The following ICA1 variants were observed in gnomAD, a reference collection of about 807,000 sequenced individuals.
ICA1 encodes the protein islet cell autoantigen 1, also known as 69 kDa islet cell autoantigen.
Under a neutral mutation model 71.0 loss-of-function variants are expected in ICA1, and 40 were observed. The observed-to-expected ratio is 0.56, with a 90% CI of 0.44 to 0.73. The LOEUF (loss-of-function observed/expected upper bound fraction) is 0.73, where lower values mean the gene tolerates loss of function less well. Among genes scored for constraint, ICA1 ranks in the 30% least tolerant of loss-of-function variants. ICA1 has a pLI of 0.00. For synonymous variants in ICA1, 207 were observed against 209.5 expected (o/e 0.99, Z 0.10); for missense variants, 578 against 576.5 (o/e 1.00, Z -0.03).
Position 8,226,455 on chromosome 7 carries a change from C to G in ICA1, c.256+2146G>C, listed in dbSNP as rs1053813117. Among the ~76,000 whole-genome samples, 3 of 152,152 alleles carry G rather than the reference C, an allele frequency of 2.0e-5. No homozygotes were observed. Among genetic ancestry groups the G allele is most frequent in the African/African-American group, 7.2e-5 (3 of 41,432 alleles). ...ATTTATATTTTATATCACCTTCTTGCTTGCATGAAGGATAGCATACTATAG... is the reference window on the plus strand; with the variant it reads ...ATTTATATTTTATATCACCTTCTTGGTTGCATGAAGGATAGCATACTATAG... On this transcript the variant is annotated intron_variant, in intron 4 of 13. Transcript: ENST00000402384. The surrounding 1 kb of genome is among the most constrained non-coding windows in gnomAD (Gnocchi z 4.4).
chr7:8,231,028 G>A (rs967160341), intron 3 of ICA1, among the ~76,000 whole-genome samples: 2 of 151,756 alleles, frequency 1.3e-5, no homozygotes, highest in Non-Finnish European at 2.9e-5. Flanking sequence ...AATGAGAGAT[G>A]AGTACTACGA....
intron 6 of ICA1, among the ~76,000 whole-genome samples, chr7:8,204,068 GA>G (rs373309086): frequency 0.013 from 1,886 of 148,442 alleles, 43 homozygotes; most frequent in African/African-American, 0.044. Context: ...TGGTGAGAAG[GA>G]AAAAAAAAAG....
rs755603457 is a variant in ICA1 at position 8,158,493 on chromosome 7, C to A, written c.705+34G>T. ...TGATGTTATTTAAACCTTGTGCCAT[C>A]CTTGGTTCATTGCAACAAACATTAT... On this transcript the variant is annotated intron_variant, in intron 7 of 13. Transcript: ENST00000402384. 90 of 1,612,138 alleles carry A rather than the reference C, an allele frequency of 5.6e-5. No homozygotes were observed. The Admixed American group carries it at 1.3e-3, about 23-fold the overall frequency.
rs192612423 is a variant in ICA1 at position 8,186,894 on chromosome 7, T to A, written c.580-28242A>T. On this transcript the variant is annotated intron_variant, in intron 6 of 13. Transcript: ENST00000402384. ...TTCTCAAAAGATAAGCTATTCAATA[T>A]CTCAGTATAGCACACAGGCTATTAT... Among the ~76,000 whole-genome samples the A allele has an allele frequency of 1.2e-3, 188 of 152,328 alleles. 1 individual carries two copies. Among genetic ancestry groups the A allele is most frequent in the African/African-American group, 4.3e-3 (179 of 41,578 alleles).
rs773792483 is a variant in ICA1, at chr7:8,128,058, G to A, written c.1145C>T (p.Ala382Val). ...DLLLLSEIFNASSLEEGEFSK... is the reference protein window; with the variant it reads ...DLLLLSEIFNVSSLEEGEFSK... ...GAACTCGCCCTCTTCCAAGGAGGAA[G>A]CATTGAAGATCTCACTCAACAGCAG... Residue 382 changes from alanine to valine, a missense_variant, in exon 13 of 14, where the codon GCT becomes GTT. Ala to Val is a moderately conservative substitution (Grantham distance 64). Coordinates refer to ENST00000402384, the MANE Select transcript of ICA1 (RefSeq NM_001136020.3). The A allele has an allele frequency of 2.0e-5, 33 of 1,614,216 alleles. 1 individual carries two copies. The South Asian group carries it at 3.6e-4, about 18-fold the overall frequency.
intron 6 of ICA1, among the ~76,000 whole-genome samples, chr7:8,209,801 G>A (rs1478995761): frequency 2.0e-5 from 3 of 152,148 alleles, no homozygotes; most frequent in East Asian, 1.9e-4. Context: ...CACAAAAGAG[G>A]GAGAAGGGAA....
chr7:8,225,333 G>A (rs1583460133), intron 4 of ICA1, among the ~76,000 whole-genome samples: 1 of 152,074 alleles, frequency 6.6e-6, no homozygotes, highest in South Asian at 2.1e-4. Context: ...TATTCTATGG[G>A]TTATAATTCA....
At chr7:8,146,432 G>A (rs1040485992) in intron 8 of ICA1, among the ~76,000 whole-genome samples, 2 of 152,148 alleles carry the variant, frequency 1.3e-5, no homozygotes, top group Admixed American at 1.3e-4. Context: ...TCTTGAGACT[G>A]GGATAAAGAG....
intron 6 of ICA1, among the ~76,000 whole-genome samples, chr7:8,217,016 AC>A (rs1795621170): frequency 6.6e-6 from 1 of 152,240 alleles, no homozygotes; most frequent in Admixed American, 6.5e-5. Context: ...AAGTTAGAAA[AC>A]TTCAAAAGTA....
chr7:8,249,805 ATG>A (rs1489189537), intron 1 of ICA1, among the ~76,000 whole-genome samples: 4 of 152,232 alleles, frequency 2.6e-5, no homozygotes, highest in African/African-American at 9.6e-5. Context: ...AGAAGTGGAA[ATG>A]TGTGTCTCCT....
At chr7:8,187,090 C>T (rs6950812) in intron 6 of ICA1, among the ~76,000 whole-genome samples, 150,654 of 152,372 alleles carry the variant, frequency 0.99, 74,482 homozygotes, top group Middle Eastern at 1. Flanking sequence ...TGTCACTTAA[C>T]GATGGGGACA....
chr7:8,120,403 A>T (rs1327177020), intron 13 of ICA1, among the ~76,000 whole-genome samples: 1 of 152,198 alleles, frequency 6.6e-6, no homozygotes, highest in East Asian at 1.9e-4. Context: ...GGGTGCAATG[A>T]GGGTAATTAT....
intron 6 of ICA1, among the ~76,000 whole-genome samples, chr7:8,179,954 G>A (rs1781716541): frequency 6.6e-6 from 1 of 151,838 alleles, no homozygotes; most frequent in African/African-American, 2.4e-5. Flanking sequence ...TTTTTTTCAT[G>A]TAAGCTCTAC....
intron 6 of ICA1, among the ~76,000 whole-genome samples, chr7:8,189,068 C>A (rs1784733863): frequency 1.3e-5 from 2 of 152,166 alleles, no homozygotes; most frequent in Admixed American, 1.3e-4. Context: ...CTGATTCAGA[C>A]CCTCCTGAGC....
At chr7:8,160,784 C>T (rs914579989) in intron 6 of ICA1, among the ~76,000 whole-genome samples, 1 of 152,200 alleles carries the variant, frequency 6.6e-6, no homozygotes, top group African/African-American at 2.4e-5. Flanking sequence ...GACGGTTCTC[C>T]ACTGCAGAGC....
intron 6 of ICA1, among the ~76,000 whole-genome samples, chr7:8,160,554 A>G (rs949937215): frequency 1.3e-5 from 2 of 152,208 alleles, no homozygotes; most frequent in African/African-American, 4.8e-5. Flanking sequence ...CAGAAATACA[A>G]GTTTTCCCTG....
chr7:8,247,548 T>C (rs1313188574), intron 1 of ICA1, among the ~76,000 whole-genome samples: 1 of 152,162 alleles, frequency 6.6e-6, no homozygotes, highest in Non-Finnish European at 1.5e-5. Flanking sequence ...AGTAGTTTTT[T>C]CCTAACACCC....
intron 13 of ICA1, among the ~76,000 whole-genome samples, chr7:8,119,043 C>T (rs1320847458): frequency 6.6e-6 from 1 of 152,214 alleles, no homozygotes; most frequent in South Asian, 2.1e-4. Context: ...GCCTAGGTCA[C>T]CATTTCTATT....
rs1789945971 is a variant in ICA1, at chr7:8,128,014, C to A, written c.1189G>T (p.Val397Leu). The change falls in exon 13 of 14, where the codon GTG (valine) becomes TTG (leucine). Residue 397 changes from valine to leucine, a missense_variant. Coordinates refer to ENST00000402384, the MANE Select transcript of ICA1 (RefSeq NM_001136020.3). Reference protein sequence around the residue: ...EGEFSKEWAAVFGDGQVKEPV... With the variant: ...EGEFSKEWAALFGDGQVKEPV... ...TCCTTCACTTGGCCGTCTCCAAACACAGCGGCCCACTCTTTGCTGAACTCG... is the reference window on the plus strand; with the variant it reads ...TCCTTCACTTGGCCGTCTCCAAACAAAGCGGCCCACTCTTTGCTGAACTCG... 4 of 1,614,218 alleles carry A rather than the reference C, an allele frequency of 2.5e-6. No individual in the cohort carries two copies. The highest frequency in any genetic ancestry group is 2.5e-6 in the Non-Finnish European group (3 of 1,180,046).
Sources: gnomAD v4.1 joint callset for allele counts (sites outside exome capture counted in the v4.1 genomes callset) on GRCh38, gnomAD v4.1.1 for gene constraint, Gnocchi (gnomAD v3.1) non-coding constraint, MANE v1.5 for transcripts, NCBI Gene and HGNC (gene_info 2026-07-23, HGNC 2026-07-21) for gene names.